The following CDAN1 variants were observed in gnomAD, a reference collection of about 807,000 sequenced individuals.
CDAN1 encodes the protein codanin 1.
In CDAN1, 107 loss-of-function variants were observed where a neutral mutation model predicts 139.8. That is an observed-to-expected ratio of 0.77 (90% CI 0.65 to 0.90). The LOEUF is 0.90. Ranked by LOEUF, CDAN1 falls within the 40% of genes least tolerant of loss-of-function variation. CDAN1 has a pLI of 0.00. For missense variants in CDAN1, 1,667 were observed against 1,575.7 expected (o/e 1.06, Z -0.98); for synonymous variants, 776 against 660.6 (o/e 1.17, Z -2.68).
intron 2 of CDAN1, 100 bp downstream of exon 2, chr15:42,736,202 T>C (rs1364524819): frequency 6.3e-7 from 1 of 1,583,402 alleles, no homozygotes; most frequent in Non-Finnish European, 8.6e-7. Context: ...CCCCCAGCCT[T>C]CTACCCATCC....
intron 21 of CDAN1, 32 bp from the exon 22 acceptor site, chr15:42,728,065 G>T (rs765058557): frequency 1.2e-6 from 2 of 1,608,004 alleles, no homozygotes; most frequent in Non-Finnish European, 1.7e-6. Flanking sequence ...TCAGGGGCTA[G>T]GGGAGGGCTG....
chr15:42,728,551 G>C (rs577649668), intron 20 of CDAN1, 101 bp downstream of exon 20: 1 of 1,484,822 alleles, frequency 6.7e-7, no homozygotes, highest in African/African-American at 1.4e-5. Flanking sequence ...AAAAAAGGAG[G>C]CATGAAGAGA....
chr15:42,726,067 A>G (rs1253554050), intron 25 of CDAN1, 30 bp downstream of exon 25: 4 of 1,602,896 alleles, frequency 2.5e-6, no homozygotes, highest in Middle Eastern at 1.7e-4. Context: ...GGATCAGGCA[A>G]GAGAGGGATT....
In CDAN1 at chr15:42,730,661, T is replaced by G. The variant is rs1161296045; in HGVS notation, c.2111A>C (p.Asp704Ala). The G allele has an allele frequency of 6.2e-7, 1 of 1,614,044 alleles. No individual in the cohort carries two copies. The highest frequency in any genetic ancestry group is 1.1e-5 in the South Asian group (1 of 91,068). The part of the protein sequence containing the change: ...PWLVEFLSFA[D>A]HVVPLLEYYR... The stretch of plus-strand genomic sequence containing the variant: ...ATATTCCAGCAAGGGAACAACATGG[T>G]CAGCAAAGGAGAGAAACTCCACCAG... The change falls in exon 14 of 28, where the codon GAC becomes GCC. Residue 704 changes from aspartate to alanine, a missense_variant. This residue lies in a region of CDAN1 where 936 missense variants were observed against 844.1 expected (regional missense o/e 1.11). Coordinates refer to ENST00000356231, the MANE Select transcript of CDAN1 (RefSeq NM_138477.4).
Position 42,730,983 on chromosome 15 carries a change from C to T in CDAN1, c.1949G>A (p.Gly650Glu). Reference protein sequence around the residue: ...LGFVAFLPYRGPEPPPTGELQ... With the variant: ...LGFVAFLPYREPEPPPTGELQ... ...CTCACCGGTCGGGGGAGGTTCAGGCCCCCGGTATGGCAGGAAAGCCACAAA... is the reference window on the plus strand; with the variant it reads ...CTCACCGGTCGGGGGAGGTTCAGGCTCCCGGTATGGCAGGAAAGCCACAAA... The change falls in exon 13 of 28, where the codon GGG becomes GAG. Residue 650 changes from glycine to glutamate, a missense_variant. This residue lies in a region of CDAN1 where 936 missense variants were observed against 844.1 expected (regional missense o/e 1.11). Coordinates refer to ENST00000356231, the MANE Select transcript of CDAN1 (RefSeq NM_138477.4). The T allele has an allele frequency of 6.2e-7, 1 of 1,614,126 alleles. No individual in the cohort carries two copies. The highest frequency in any genetic ancestry group is 8.5e-7 in the Non-Finnish European group (1 of 1,180,026).
intron 25 of CDAN1, 60 bp from the exon 26 acceptor site, chr15:42,725,730 C>CA: frequency 6.4e-7 from 1 of 1,554,172 alleles, no homozygotes; most frequent in Non-Finnish European, 8.8e-7. Flanking sequence ...CGGTGACTCA[C>CA]ACCTATAATC....
chr15:42,734,022 G>A lies in CDAN1; in HGVS notation c.1283C>T (p.Thr428Ile), dbSNP rs912417769. The change falls in exon 8 of 28, where the codon ACT (threonine) becomes ATT (isoleucine). Residue 428 changes from threonine (T) to isoleucine (I), a missense_variant. Thr to Ile is a moderately conservative substitution (Grantham distance 89). Transcript: ENST00000356231. ...AKVSLVMPPS[T>I]QAVSFQPETD... ...CTCTGGCTGAAAGGAGACAGCTTGA[G>A]TAGAGGGAGGCATCACCAGAGAGAC... The A allele has an allele frequency of 8.7e-6, 14 of 1,614,068 alleles. No individual in the cohort carries two copies. Among genetic ancestry groups the A allele is most frequent in the East Asian group, 2.2e-5 (1 of 44,882 alleles).
At chr15:42,733,004 G>A (rs548225418) in intron 9 of CDAN1, 93 bp downstream of exon 9, 20 of 968,440 alleles carry the variant, frequency 2.1e-5, no homozygotes, top group Middle Eastern at 2.1e-4. Context: ...TGGTAGGAGC[G>A]GGGAAAACCT....
In CDAN1 at chr15:42,731,334, G is replaced by T; in HGVS notation, c.1740-3C>A. On this transcript the variant is annotated splice_region_variant and splice_polypyrimidine_tract_variant and intron_variant, in intron 11 of 27. Coordinates refer to ENST00000356231, the MANE Select transcript of CDAN1 (RefSeq NM_138477.4). ...TGAGATGCTGGTTAAACTGGAAGCT[G>T]AGAAGAAGGGGTGGGTGGGGCATAA... 6.2e-7 allele frequency: 1 copy of T among 1,613,706 alleles called. No individual in the cohort carries two copies. The highest frequency in any genetic ancestry group is 1.1e-5 in the South Asian group (1 of 91,076).
Position 42,728,279 on chromosome 15 carries a change from C to A in CDAN1, c.2805-12G>T. ...TCCTTTGACAGAACCTAAAAGGGGA[C>A]AGATGGGGTCAGTGATCTCTGGGTA... On this transcript the variant is annotated splice_polypyrimidine_tract_variant and intron_variant, in intron 20 of 27. Transcript: ENST00000356231. The A allele has an allele frequency of 6.2e-7, 1 of 1,613,680 alleles. No homozygotes were observed.
chr15:42,728,153 A>G (rs1202944870), intron 21 of CDAN1, 51 bp downstream of exon 21: 1 of 1,602,804 alleles, frequency 6.2e-7, no homozygotes, highest in Non-Finnish European at 8.5e-7. Flanking sequence ...TACTCCGTGC[A>G]CCTCCCCACA....
chr15:42,730,168 T>C lies in CDAN1; in HGVS notation c.2222A>G (p.Asn741Ser). ...CAGGACAGCAAGTAGCAGCAGCTTG[T>C]TCAGGAAACACATCTTCCCCTCACT... ...QESEGKMCFL[N>S]KLLLLAVLGW... Residue 741 changes from asparagine to serine, a missense_variant, in exon 15 of 28, where the codon AAC becomes AGC. By Grantham distance (46) the Asn-to-Ser change is conservative. Coordinates refer to ENST00000356231, the MANE Select transcript of CDAN1 (RefSeq NM_138477.4). The C allele has an allele frequency of 6.2e-7, 1 of 1,614,144 alleles. No homozygotes were observed. Among genetic ancestry groups the C allele is most frequent in the Non-Finnish European group, 8.5e-7 (1 of 1,180,018 alleles).
In CDAN1 at chr15:42,732,319, G is replaced by T. The variant is rs754857458; in HGVS notation, c.1533+14C>A. The T allele has an allele frequency of 6.2e-7, 1 of 1,612,738 alleles. No individual in the cohort carries two copies. On this transcript the variant is annotated intron_variant, in intron 10 of 27. Transcript: ENST00000356231. Reference sequence around the variant, plus strand: ...GCTGTTTAATGTGGATTAATCTCTTGCTGGGGCTGTTACCTGGAGTAGTTG... The same window carrying T: ...GCTGTTTAATGTGGATTAATCTCTTTCTGGGGCTGTTACCTGGAGTAGTTG...
Position 42,728,200 on chromosome 15 carries a change from G to T in CDAN1, c.2868+4C>A. 6.2e-7 allele frequency: 1 copy of T among 1,613,348 alleles called. No individual in the cohort carries two copies. The highest frequency in any genetic ancestry group is 8.5e-7 in the Non-Finnish European group (1 of 1,179,896). Reference sequence around the variant, plus strand: ...TGCTAGCTGCAGGCCTCCCTCACACGTACGGCTGCCGGGGTCTCCTCTGGA... The same window carrying T: ...TGCTAGCTGCAGGCCTCCCTCACACTTACGGCTGCCGGGGTCTCCTCTGGA... On this transcript the variant is annotated splice_donor_region_variant and intron_variant, in intron 21 of 27. Transcript: ENST00000356231.
rs764116585 is a variant in CDAN1 at position 42,732,398 on chromosome 15, C to G, written c.1468G>C (p.Gly490Arg). The change falls in exon 10 of 28, where the codon GGT becomes CGT. Residue 490 changes from glycine (G) to arginine (R), a missense_variant. Around this residue, in one of 3 missense-constraint regions of CDAN1, gnomAD observed 244 missense variants for 309.4 expected, o/e 0.79. Transcript: ENST00000356231. ...GLGSRIRAMM[G>R]QLSAACSHSH... is the part of the protein sequence containing the mutation. ...TGGCTGCAGGCTGCGGAGAGCTGAC[C>G]CATCATGGCCCTGAGGAATAGAAGG... 3 of 1,613,728 alleles carry G rather than the reference C, an allele frequency of 1.9e-6. No homozygotes were observed. Among genetic ancestry groups the G allele is most frequent in the African/African-American group, 1.3e-5 (1 of 74,866 alleles).
rs1381898131 is a variant in CDAN1 at position 42,728,783 on chromosome 15, G to A, written c.2673C>T (p.Arg891=). The change falls in exon 20 of 28, where the codon CGC becomes CGT. Residue 891 remains arginine (R), a synonymous_variant. Coordinates refer to ENST00000356231, the MANE Select transcript of CDAN1 (RefSeq NM_138477.4). The part of the protein sequence containing the change: ...IKATLVADLV[R]QAESLLQEQL... ...GCTCTTGGAGAAGTGACTCTGCCTGGCGCACCAGATCTGCCACCAGTGTAG... is the reference window on the plus strand; with the variant it reads ...GCTCTTGGAGAAGTGACTCTGCCTGACGCACCAGATCTGCCACCAGTGTAG... 6.2e-7 allele frequency: 1 copy of A among 1,614,192 alleles called. No individual in the cohort carries two copies. Among genetic ancestry groups the A allele is most frequent in the Admixed American group, 1.7e-5 (1 of 60,026 alleles).
chr15:42,726,297 T>C lies in CDAN1; in HGVS notation c.3204+13A>G. Reference sequence around the variant, plus strand: ...CAGAAAAAAGCCCCCCGGTGGCAGATGCCACAGCTCACCTGGCGGCACCGC... The same window carrying C: ...CAGAAAAAAGCCCCCCGGTGGCAGACGCCACAGCTCACCTGGCGGCACCGC... On this transcript the variant is annotated intron_variant, in intron 24 of 27. Transcript: ENST00000356231. 2 of 1,587,848 alleles carry C rather than the reference T, an allele frequency of 1.3e-6. No homozygotes were observed. The highest frequency in any genetic ancestry group is 1.7e-6 in the Non-Finnish European group (2 of 1,166,858).
chr15:42,725,864 T>C (rs1005944819), intron 25 of CDAN1, among the ~76,000 whole-genome samples, 194 bp from the exon 26 acceptor site: 3 of 149,162 alleles, frequency 2.0e-5, no homozygotes, highest in African/African-American at 5.0e-5. Context: ...GCACCTGTAG[T>C]CCCAGCTACT....
chr15:42,731,138 T>C (rs935786483), intron 12 of CDAN1, 67 bp from the exon 13 acceptor site: 6 of 1,614,068 alleles, frequency 3.7e-6, no homozygotes, highest in African/African-American at 2.7e-5. Flanking sequence ...CGATCTGTTA[T>C]AAAGTTTTTC....
Sources: gnomAD v4.1 joint callset for allele counts (sites outside exome capture counted in the v4.1 genomes callset) on GRCh38, gnomAD v4.1.1 for gene constraint, gnomAD v4.1.1 regional missense constraint, MANE v1.5 for transcripts, NCBI Gene and HGNC (gene_info 2026-07-23, HGNC 2026-07-21) for gene names.